Variants in CEP295 observed in about 807,000 individuals in gnomAD.
CEP295 encodes the protein centrosomal protein of 295 kDa.
In CEP295, 190 loss-of-function variants were observed where a neutral mutation model predicts 291.6. The observed-to-expected ratio is 0.65, with a 90% CI of 0.58 to 0.73. The LOEUF (loss-of-function observed/expected upper bound fraction) is 0.73, where lower values mean the gene tolerates loss of function less well. CEP295 is among the 30% of genes least tolerant of loss of function. The pLI, the probability that CEP295 is intolerant of heterozygous loss-of-function variation, is 0.00. For synonymous variants in CEP295, 993 were observed against 1,038.8 expected (o/e 0.96, Z 0.85); for missense variants, 2,863 against 2,949.4 (o/e 0.97, Z 0.68).
At chr11:93,674,940 GT>G (rs2134866800) in intron 5 of CEP295, among the ~76,000 whole-genome samples, 1 of 152,230 alleles carries the variant, frequency 6.6e-6, no homozygotes, top group African/African-American at 2.4e-5. Flanking sequence ...TTCTTTGTCA[GT>G]TTAGTTAATT....
chr11:93,721,471 T>C lies in CEP295; in HGVS notation c.5850+59T>C. 5 of 1,052,106 alleles carry C rather than the reference T, an allele frequency of 4.8e-6. No homozygotes were observed. In the South Asian group the frequency reaches 6.3e-5, roughly 13 times the overall value. 65.2% of individuals were successfully genotyped at this position (1,052,106 alleles called of 1,614,324 possible). A position where few individuals can be genotyped will look rare whatever the true frequency, so the allele number is the denominator to read the frequency against. ...GAGCTGTTTGGCTTCGTATTCTCTT[T>C]TGTTTAGTTTACAGAAGCTATGTTA... On this transcript the variant is annotated intron_variant, in intron 19 of 29. Transcript: ENST00000325212.
intron 25 of CEP295, 84 bp from the exon 26 acceptor site, chr11:93,729,350 G>A (rs919037526): frequency 9.2e-5 from 82 of 887,646 alleles, no homozygotes; most frequent in Non-Finnish European, 1.4e-4. Flanking sequence ...GTGTGATCAT[G>A]CCGCTGCACT....
Position 93,691,704 on chromosome 11 carries a change from C to A in CEP295, c.1358C>A (p.Thr453Lys). The change falls in exon 11 of 30, where the codon ACA becomes AAA. Residue 453 changes from threonine (T) to lysine (K), a missense_variant. Around this residue, in one of 3 missense-constraint regions of CEP295, gnomAD observed 554 missense variants for 576.0 expected, o/e 0.96. Transcript: ENST00000325212. ...ACAGTTGTTGAAAGTGATACACTAA[C>A]AATTGAGTCTGGACCACTTGCTAGT... ...QEQVVESDTLTIESGPLASED... is the reference protein window; with the variant it reads ...QEQVVESDTLKIESGPLASED... 6.5e-7 allele frequency: 1 copy of A among 1,543,308 alleles called. No homozygotes were observed. Among genetic ancestry groups the A allele is most frequent in the South Asian group, 1.2e-5 (1 of 82,720 alleles).
At chr11:93,726,913 G>C (rs1166934957) in intron 23 of CEP295, 63 bp from the exon 24 acceptor site, 1 of 1,291,882 alleles carries the variant, frequency 7.7e-7, no homozygotes, top group African/African-American at 1.5e-5. Flanking sequence ...ATTAGAGACT[G>C]TCAGTATCCA....
chr11:93,699,350 T>C lies in CEP295; in HGVS notation c.4438T>C (p.Leu1480=), dbSNP rs975935572. 6.4e-7 allele frequency: 1 copy of C among 1,551,896 alleles called. No individual in the cohort carries two copies. Among genetic ancestry groups the C allele is most frequent in the Non-Finnish European group, 8.7e-7 (1 of 1,147,032 alleles). The change falls in exon 15 of 30, where the codon TTG becomes CTG. Residue 1480 remains leucine (L), a synonymous_variant. Transcript: ENST00000325212. ...LPSIEKTQKE[L]VLSKPCKFEE... ...TTCTATTGAGAAAACCCAGAAAGAATTGGTTTTGTCAAAACCATGTAAATT... is the reference window on the plus strand; with the variant it reads ...TTCTATTGAGAAAACCCAGAAAGAACTGGTTTTGTCAAAACCATGTAAATT...
intron 5 of CEP295, among the ~76,000 whole-genome samples, chr11:93,671,313 A>G (rs1425824773): frequency 6.6e-6 from 1 of 151,858 alleles, no homozygotes; most frequent in Non-Finnish European, 1.5e-5. Flanking sequence ...TTTTGTTACT[A>G]TCACTGTTAA....
At chr11:93,702,973 C>CT (rs1554995752) in intron 17 of CEP295, 54 bp downstream of exon 17, 1,067 of 1,397,076 alleles carry the variant, frequency 7.6e-4, no homozygotes, top group Non-Finnish European at 8.4e-4. Context: ...CAGTTTTCTA[C>CT]TTTTTTTTTA....
At chr11:93,680,768 T>G (rs1950921822) in intron 7 of CEP295, among the ~76,000 whole-genome samples, 1 of 152,228 alleles carries the variant, frequency 6.6e-6, no homozygotes, top group Non-Finnish European at 1.5e-5. Flanking sequence ...TCTTAAAATA[T>G]AGCATAAAAA....
In CEP295 at chr11:93,726,912, T is replaced by C. The variant is rs1414627210; in HGVS notation, c.6500-64T>C. 3 of 1,279,164 alleles carry C rather than the reference T, an allele frequency of 2.3e-6. No individual in the cohort carries two copies. The African/African-American group carries it at 4.5e-5, about 19-fold the overall frequency. The allele number at this position is 1,279,164 out of a possible 1,614,324, so 79.2% of individuals were successfully genotyped here. A position where few individuals can be genotyped will look rare whatever the true frequency, so the allele number is the denominator to read the frequency against. The stretch of plus-strand genomic sequence containing the variant: ...AATTGGATGATAAACTATTAGAGAC[T>C]GTCAGTATCCAACTTTTACAACATG... On this transcript the variant is annotated intron_variant, in intron 23 of 29. Coordinates refer to ENST00000325212, the MANE Select transcript of CEP295 (RefSeq NM_033395.2).
rs765888774 is a variant in CEP295, at chr11:93,727,205, T to G, written c.6729T>G (p.Asp2243Glu). 1 of 1,551,500 alleles carries G rather than the reference T, an allele frequency of 6.4e-7. No individual in the cohort carries two copies. The highest frequency in any genetic ancestry group is 1.2e-5 in the South Asian group (1 of 84,008). ...GNLSSVYSSS[D>E]EANVFDQLNV... ...TAAGTTCAGTCTACAGTTCATCTGA[T>G]GAAGCTAATGTATTTGATCAGTTAA... The change falls in exon 24 of 30, where the codon GAT (aspartate) becomes GAG (glutamate). Residue 2243 changes from aspartate (D) to glutamate (E), a missense_variant. This residue lies in a region of CEP295 where 2,295 missense variants were observed against 2,335.7 expected (regional missense o/e 0.98). Coordinates refer to ENST00000325212, the MANE Select transcript of CEP295 (RefSeq NM_033395.2).
intron 21 of CEP295, 35 bp downstream of exon 21, chr11:93,723,324 T>C: frequency 7.2e-7 from 1 of 1,384,068 alleles, no homozygotes; most frequent in Non-Finnish European, 9.7e-7. Context: ...TTTATGTAAA[T>C]TAAGTTTTAA....
chr11:93,730,340 T>A lies in CEP295; in HGVS notation c.*71T>A. 3 of 1,118,524 alleles carry A rather than the reference T, an allele frequency of 2.7e-6. No homozygotes were observed. The highest frequency in any genetic ancestry group is 1.3e-5 in the South Asian group (1 of 76,806). The allele number at this position is 1,118,524 out of a possible 1,614,324, so 69.3% of individuals were successfully genotyped here. On this transcript the variant is annotated 3_prime_UTR_variant, in exon 30 of 30. Coordinates refer to ENST00000325212, the MANE Select transcript of CEP295 (RefSeq NM_033395.2). ...ATTAGACAAAATTATTTAAAGTCAATAAATTGTTATTCGAGGAATTCCATG... is the reference window on the plus strand; with the variant it reads ...ATTAGACAAAATTATTTAAAGTCAAAAAATTGTTATTCGAGGAATTCCATG...
Position 93,689,920 on chromosome 11 carries a change from A to G in CEP295, c.1337-1763A>G, listed in dbSNP as rs116940916. Among the ~76,000 whole-genome samples, 640 of 152,352 alleles carry G rather than the reference A, an allele frequency of 4.2e-3. 4 individuals are homozygous for G. The highest frequency in any genetic ancestry group is 7.0e-3 in the Non-Finnish European group (476 of 68,042). On this transcript the variant is annotated intron_variant, in intron 10 of 29. Coordinates refer to ENST00000325212, the MANE Select transcript of CEP295 (RefSeq NM_033395.2). ...ATGATATTTAAAGCCATGGGCATAGAAAACCACTTGGAGGGGAAATAATTT... is the reference window on the plus strand; with the variant it reads ...ATGATATTTAAAGCCATGGGCATAGGAAACCACTTGGAGGGGAAATAATTT...
At chr11:93,705,393 A>C (rs1302683694) in intron 17 of CEP295, among the ~76,000 whole-genome samples, 1 of 152,216 alleles carries the variant, frequency 6.6e-6, no homozygotes, top group African/African-American at 2.4e-5. Context: ...AGACTCCTTA[A>C]GGGATGATAA....
rs761849235 is a variant in CEP295, at chr11:93,730,284, T to C, written c.*15T>C. On this transcript the variant is annotated 3_prime_UTR_variant, in exon 30 of 30. Coordinates refer to ENST00000325212, the MANE Select transcript of CEP295 (RefSeq NM_033395.2). ...ATACATGCTGACTTTCTAGAAATAG[T>C]GTAAAGGTTTTTTAATTGTGTATAT... 1.3e-6 allele frequency: 2 copies of C among 1,522,192 alleles called. No individual in the cohort carries two copies. Among genetic ancestry groups the C allele is most frequent in the South Asian group, 2.4e-5 (2 of 83,482 alleles). The allele number at this position is 1,522,192 out of a possible 1,614,324, so 94.3% of individuals were successfully genotyped here.
intron 6 of CEP295, among the ~76,000 whole-genome samples, chr11:93,675,956 C>T (rs1422455060): frequency 2.0e-5 from 3 of 151,878 alleles, no homozygotes; most frequent in Non-Finnish European, 4.4e-5. Flanking sequence ...TGGAACTGTA[C>T]ATATAAGTGT....
chr11:93,691,129 C>T (rs539691577), intron 10 of CEP295, among the ~76,000 whole-genome samples: 10 of 152,154 alleles, frequency 6.6e-5, no homozygotes, highest in Non-Finnish European at 1.2e-4. Context: ...CTGCCACCTA[C>T]TCTGTAAAGC....
chr11:93,685,953 C>T (rs1453133798), intron 9 of CEP295, among the ~76,000 whole-genome samples: 2 of 152,178 alleles, frequency 1.3e-5, no homozygotes, highest in Non-Finnish European at 2.9e-5. Context: ...TTGTGACCCG[C>T]CCACCTCTGC....
At position 93,706,856 on chromosome 11, in the gene CEP295, T is replaced by A; in HGVS notation, c.5708T>A (p.Val1903Asp). The A allele has an allele frequency of 6.5e-7, 1 of 1,547,898 alleles. No homozygotes were observed. Among genetic ancestry groups the A allele is most frequent in the South Asian group, 1.2e-5 (1 of 83,624 alleles). Residue 1903 changes from valine (V) to aspartate (D), a missense_variant, in exon 18 of 30, where the codon GTT becomes GAT. This residue lies in a region of CEP295 where 2,295 missense variants were observed against 2,335.7 expected (regional missense o/e 0.98). Transcript: ENST00000325212. ...GATCCGTTTAGTTGTCTTCAACTGGTTGGCCAAGAGAATGTCTGTGGTGAT... is the reference window on the plus strand; with the variant it reads ...GATCCGTTTAGTTGTCTTCAACTGGATGGCCAAGAGAATGTCTGTGGTGAT... ...AHDPFSCLQL[V>D]GQENVCGDDY...
Sources: gnomAD v4.1 joint callset for allele counts (sites outside exome capture counted in the v4.1 genomes callset) on GRCh38, gnomAD v4.1.1 for gene constraint, gnomAD v4.1.1 regional missense constraint, MANE v1.5 for transcripts, NCBI Gene and HGNC (gene_info 2026-07-23, HGNC 2026-07-21) for gene names.